The following SLC25A45 variants were observed in gnomAD, a reference collection of about 807,000 sequenced individuals.
The protein encoded by SLC25A45 is solute carrier family 25 member 45.
SLC25A45 carries 22 observed loss-of-function variants against 23.0 expected under a neutral mutation model. That is an observed-to-expected ratio of 0.95 (90% CI 0.68 to 1.36). The LOEUF is 1.36. Among genes scored for constraint, SLC25A45 ranks in the 40% most tolerant of loss-of-function variants. The pLI, the probability that SLC25A45 is intolerant of heterozygous loss-of-function variation, is 0.00. For missense variants in SLC25A45, 355 were observed against 383.5 expected (o/e 0.93, Z 0.62); for synonymous variants, 136 against 155.0 (o/e 0.88, Z 0.91).
At chr11:65,379,051 T>C in intron 5 of SLC25A45, 1 of 348,328 alleles carries the variant, frequency 2.9e-6, no homozygotes. Context: ...AAAGGTCTCC[T>C]TGGGGAGTGG....
Position 65,376,819 on chromosome 11 carries a change from G to A in SLC25A45, c.597C>T (p.Pro199=), listed in dbSNP as rs1855217471. 6.2e-7 allele frequency: 1 copy of A among 1,614,066 alleles called. No individual in the cohort carries two copies. The highest frequency in any genetic ancestry group is 8.5e-7 in the Non-Finnish European group (1 of 1,180,052). The change falls in exon 6 of 7, where the codon CCC becomes CCT. Residue 199 remains proline, a splice_region_variant and synonymous_variant. Coordinates refer to ENST00000398802, the MANE Select transcript of SLC25A45 (RefSeq NM_182556.4). ...ATCCTCTCACGCCACTTTACTTACT[G>A]GGATTCTGGCCTTCTGGTGTGTACT... is the stretch of plus-strand genomic sequence containing the variant. The part of the protein sequence containing the change: ...CRQYTPEGQN[P]SSATVLVAGG...
In SLC25A45 at chr11:65,381,860, G is replaced by C. The variant is rs142281092; in HGVS notation, c.37+55C>G. ...CTCCTCCCATGTCACCCATCTTCCC[G>C]AGGAAGTGACCTACCATTGGGTGTG... On this transcript the variant is annotated intron_variant, in intron 2 of 6. Transcript: ENST00000398802. 9.4e-5 allele frequency: 152 copies of C among 1,610,892 alleles called. No individual in the cohort carries two copies. The African/African-American group carries it at 1.7e-3, about 18-fold the overall frequency.
chr11:65,376,584 C>G lies in SLC25A45; in HGVS notation c.690G>C (p.Gln230His), dbSNP rs1441069508. 13 of 1,614,062 alleles carry G rather than the reference C, an allele frequency of 8.1e-6. No individual in the cohort carries two copies. The highest frequency in any genetic ancestry group is 1.1e-5 in the Non-Finnish European group (13 of 1,180,014). ...ACACTCTGCGTCTCAGTCCATCCAT[C>G]TGCATCCGGGACTTGATCATGTCTA... is the stretch of plus-strand genomic sequence containing the variant. Reference protein sequence around the residue: ...TPLDMIKSRMQMDGLRRRVYQ... With the variant: ...TPLDMIKSRMHMDGLRRRVYQ... Residue 230 changes from glutamine to histidine, a missense_variant, in exon 7 of 7, where the codon CAG (glutamine) becomes CAC (histidine). Gln to His is a conservative substitution (Grantham distance 24). Transcript: ENST00000398802.
chr11:65,383,411 G>A (rs1000869584), upstream of SLC25A45: 1 of 152,482 alleles, frequency 6.6e-6, no homozygotes, highest in Non-Finnish European at 1.5e-5. Context: ...GTGGTGGCTT[G>A]GGCTGCAGTC....
intron 5 of SLC25A45, chr11:65,379,112 C>G: frequency 2.1e-6 from 1 of 479,040 alleles, no homozygotes; most frequent in Non-Finnish European, 3.8e-6. Context: ...GGGCAAGCCC[C>G]GTCAGCTGGA....
chr11:65,381,583 T>TC (rs1182681636), intron 2 of SLC25A45: 1 of 163,076 alleles, frequency 6.1e-6, no homozygotes, highest in Non-Finnish European at 1.3e-5. Flanking sequence ...TTTTTTTTTT[T>TC]TTGTGGCAGG....
chr11:65,379,446 T>G lies in SLC25A45; in HGVS notation c.269A>C (p.Gln90Pro). The G allele has an allele frequency of 1.2e-6, 2 of 1,614,020 alleles. No homozygotes were observed. Among genetic ancestry groups the G allele is most frequent in the Non-Finnish European group, 1.7e-6 (2 of 1,180,004 alleles). ...TLLVLTATSH[Q>P]ERRAQPPSYM... Reference sequence around the variant, plus strand: ...GCTGGGCGGCTGGGCCCGCCGCTCCTGGTGGGAGGTGGCCGTGAGCACCAG... The same window carrying G: ...GCTGGGCGGCTGGGCCCGCCGCTCCGGGTGGGAGGTGGCCGTGAGCACCAG... Residue 90 changes from glutamine (Q) to proline (P), a missense_variant, in exon 5 of 7, where the codon CAG becomes CCG. Physicochemically the swap from Gln to Pro is moderately conservative, Grantham distance 76. Coordinates refer to ENST00000398802, the MANE Select transcript of SLC25A45 (RefSeq NM_182556.4).
chr11:65,380,032 G>C, intron 3 of SLC25A45, 94 bp from the exon 4 acceptor site: 2 of 1,586,732 alleles, frequency 1.3e-6, no homozygotes, highest in Non-Finnish European at 1.7e-6. Flanking sequence ...ACCAGCAGGA[G>C]AGGCAGGAAA....
Position 65,376,053 on chromosome 11 carries a change from G to C in SLC25A45, c.*354C>G, listed in dbSNP as rs1855147513. Reference sequence around the variant, plus strand: ...CCACTGCATTCCAGCCTGGGTGACAGAGAAAGACTCCATCTCAAAAAAAAA... The same window carrying C: ...CCACTGCATTCCAGCCTGGGTGACACAGAAAGACTCCATCTCAAAAAAAAA... On this transcript the variant is annotated 3_prime_UTR_variant, in exon 7 of 7. Coordinates refer to ENST00000398802, the MANE Select transcript of SLC25A45 (RefSeq NM_182556.4). The C allele has an allele frequency of 4.4e-6, 1 of 229,718 alleles. No homozygotes were observed. The highest frequency in any genetic ancestry group is 7.8e-6 in the Non-Finnish European group (1 of 128,172). 14.2% of individuals were successfully genotyped at this position (229,718 alleles called of 1,614,324 possible).
chr11:65,380,366 G>A, intron 2 of SLC25A45, 191 bp from the exon 3 acceptor site: 1 of 938,006 alleles, frequency 1.1e-6, no homozygotes. Flanking sequence ...CAGGCACTGG[G>A]CCAGGAAGGC....
rs746262497 is a variant in SLC25A45, at chr11:65,381,930, C to A, written c.22G>T (p.Ala8Ser). ...AATGTCTCACCAGAGATCCAGCCAG[C>A]CACAAATTCCTCCACCGGCATTGTC... Reference protein sequence around the residue: MPVEEFVAGWISGALGLV... With the variant: MPVEEFVSGWISGALGLV... The change falls in exon 2 of 7, where the codon GCT becomes TCT. Residue 8 changes from alanine (A) to serine (S), a missense_variant. By Grantham distance (99) the Ala-to-Ser change is moderately conservative (BLOSUM62 1). Coordinates refer to ENST00000398802, the MANE Select transcript of SLC25A45 (RefSeq NM_182556.4). The A allele has an allele frequency of 6.2e-7, 1 of 1,614,158 alleles. No homozygotes were observed. Among genetic ancestry groups the A allele is most frequent in the South Asian group, 1.1e-5 (1 of 91,082 alleles).
At chr11:65,377,138 A>T (rs1233702244) in intron 5 of SLC25A45, 62 bp from the exon 6 acceptor site, 3 of 1,551,428 alleles carry the variant, frequency 1.9e-6, no homozygotes, top group Non-Finnish European at 2.6e-6. Flanking sequence ...GGCCCCTTAT[A>T]TTCACAAGAG....
Position 65,379,381 on chromosome 11 carries a change from G to A in SLC25A45, c.334C>T (p.Leu112=). The A allele has an allele frequency of 6.2e-7, 1 of 1,608,948 alleles. No homozygotes were observed. The highest frequency in any genetic ancestry group is 1.7e-4 in the Middle Eastern group (1 of 6,052). The stretch of plus-strand genomic sequence containing the variant: ...CCCACTCACTGCCCCCTCACCTGCA[G>A]GAACCCCCCGGTGCAGCCCGCTAGG... ...IFLAGCTGGF[L]QAYCLAPFDL... is the part of the protein sequence containing the mutation. The change falls in exon 5 of 7, where the codon CTG becomes TTG. Residue 112 remains leucine, a synonymous_variant. Transcript: ENST00000398802.
At position 65,376,238 on chromosome 11, in the gene SLC25A45, C is replaced by T. The variant is rs527638861; in HGVS notation, c.*169G>A. 116 of 813,328 alleles carry T rather than the reference C, an allele frequency of 1.4e-4. No homozygotes were observed. In the African/African-American group the frequency reaches 1.7e-3, roughly 12 times the overall value. The allele number at this position is 813,328 out of a possible 1,614,324, so 50.4% of individuals were successfully genotyped here. ...GAGGCTGCACAGGCCCCCTGGCTTC[C>T]GGCTCCCACAGGTGTCTGCCCAGCC... On this transcript the variant is annotated 3_prime_UTR_variant, in exon 7 of 7. Coordinates refer to ENST00000398802, the MANE Select transcript of SLC25A45 (RefSeq NM_182556.4).
chr11:65,379,658 C>T, intron 4 of SLC25A45, 97 bp from the exon 5 acceptor site: 1 of 1,356,072 alleles, frequency 7.4e-7, no homozygotes, highest in Non-Finnish European at 1.0e-6. Context: ...GAAACTGCTC[C>T]CAAGTCCTGC....
intron 2 of SLC25A45, chr11:65,381,560 C>CT (rs34891223): frequency 0.42 from 35,476 of 84,956 alleles, 10,429 homozygotes; most frequent in Non-Finnish European, 0.49. Flanking sequence ...TGCCCTGATT[C>CT]TTTTTTTTTT....
In SLC25A45 at chr11:65,376,533, C is replaced by T. The variant is rs1204301207; in HGVS notation, c.741G>A (p.Val247=). The T allele has an allele frequency of 6.2e-7, 1 of 1,614,220 alleles. No individual in the cohort carries two copies. Among genetic ancestry groups the T allele is most frequent in the Non-Finnish European group, 8.5e-7 (1 of 1,180,040 alleles). The change falls in exon 7 of 7, where the codon GTG becomes GTA. Residue 247 remains valine, a synonymous_variant. Coordinates refer to ENST00000398802, the MANE Select transcript of SLC25A45 (RefSeq NM_182556.4). The part of the protein sequence containing the change: ...RVYQGMLDCM[V]SSIRQEGLGV... ...CCAGTCCTTCCTGCCGGATGCTGCT[C>T]ACCATGCAGTCCAGCATCCCCTGGT...
rs1327815155 is a variant in SLC25A45 at position 65,377,088 on chromosome 11, G to A, written c.340-12C>T. ...GCCAGACAGTAGGCCTGTTGGTGAT[G>A]AAACATGAGGGCCCCGGGTGGGGCT... On this transcript the variant is annotated splice_polypyrimidine_tract_variant and intron_variant, in intron 5 of 6. Transcript: ENST00000398802. 4 of 1,609,646 alleles carry A rather than the reference G, an allele frequency of 2.5e-6. No homozygotes were observed. The highest frequency in any genetic ancestry group is 3.4e-6 in the Non-Finnish European group (4 of 1,177,664).
chr11:65,379,596 C>T (rs374993928), intron 4 of SLC25A45, 35 bp from the exon 5 acceptor site: 12 of 1,570,542 alleles, frequency 7.6e-6, no homozygotes, highest in Non-Finnish European at 1.0e-5. Flanking sequence ...GAGTAGGCAC[C>T]GTGGGGCCTC....
Sources: gnomAD v4.1 joint callset for allele counts on GRCh38, gnomAD v4.1.1 for gene constraint, MANE v1.5 for transcripts, NCBI Gene and HGNC (gene_info 2026-07-23, HGNC 2026-07-21) for gene names.